The following STARD13 variants were observed in gnomAD, a reference collection of about 807,000 sequenced individuals.
STARD13 encodes stAR-related lipid transfer protein 13.
STARD13 carries 62 observed loss-of-function variants against 106.4 expected under a neutral mutation model. The ratio of observed to expected loss-of-function variants is 0.58; its 90% CI spans 0.48 to 0.72. STARD13 has a LOEUF of 0.72. Among genes scored for constraint, STARD13 ranks in the 30% least tolerant of loss-of-function variants. The probability of loss-of-function intolerance (pLI) is 0.00; values close to 1 mark genes in which losing one functional copy is unlikely to be tolerated. For missense variants in STARD13, 1,387 were observed against 1,424.0 expected (o/e 0.97, Z 0.42); for synonymous variants, 565 against 553.0 (o/e 1.02, Z -0.31).
chr13:33,297,830 A>G (rs1892556283), intron 1 of STARD13, among the ~76,000 whole-genome samples: 1 of 152,214 alleles, frequency 6.6e-6, no homozygotes, highest in Non-Finnish European at 1.5e-5. Context: ...TGTGTATTGC[A>G]GATATAAGAC....
the STARD13 span, among the ~76,000 whole-genome samples, chr13:33,462,636 T>C: frequency 2.0e-5 from 3 of 152,240 alleles, no homozygotes; most frequent in East Asian, 5.8e-4. Flanking sequence ...CTGGTAAAAG[T>C]CCAAGAGTCC....
chr13:33,145,889 A>G (rs1313124631), intron 3 of STARD13, among the ~76,000 whole-genome samples: 1 of 152,208 alleles, frequency 6.6e-6, no homozygotes, highest in African/African-American at 2.4e-5. Context: ...GGTCACAAAA[A>G]TGTTCTGTGT....
chr13:33,105,585 G>A lies in STARD13; in HGVS notation c.*8C>T, dbSNP rs750674163. 48 of 1,591,296 alleles carry A rather than the reference G, an allele frequency of 3.0e-5. No homozygotes were observed. The East Asian group carries it at 1.1e-3, about 36-fold the overall frequency. The stretch of plus-strand genomic sequence containing the variant: ...CTTCCCTGAGTTTGATGTCACACTG[G>A]GCAAAACTCAGATTTTAGTTTCTGG... On this transcript the variant is annotated 3_prime_UTR_variant, in exon 14 of 14. Transcript: ENST00000336934.
the STARD13 span, among the ~76,000 whole-genome samples, chr13:33,405,069 A>G: frequency 2.6e-5 from 4 of 151,968 alleles, no homozygotes; most frequent in African/African-American, 9.7e-5. Context: ...GAGCCACCAC[A>G]CCCAGCCTTC....
At chr13:33,625,764 C>A in the STARD13 span, among the ~76,000 whole-genome samples, 5 of 151,578 alleles carry the variant, frequency 3.3e-5, no homozygotes, top group African/African-American at 9.7e-5. Flanking sequence ...TGCGGTGGCA[C>A]CATCACAGCT....
chr13:33,627,631 C>T, the STARD13 span, among the ~76,000 whole-genome samples: 1 of 145,922 alleles, frequency 6.9e-6, no homozygotes, highest in Non-Finnish European at 1.5e-5. Context: ...AGCAAGACTC[C>T]ATCTCAAAAA....
the STARD13 span, among the ~76,000 whole-genome samples, chr13:33,603,555 T>C: frequency 6.6e-6 from 1 of 152,170 alleles, no homozygotes; most frequent in African/African-American, 2.4e-5. Flanking sequence ...GGTAGAAGCA[T>C]GAAAATTCTA....
At position 33,205,805 on chromosome 13, in the gene STARD13, G is replaced by A. The variant is rs924195155; in HGVS notation, c.170-38183C>T. 7.2e-6 allele frequency: 7 copies of A among 971,168 alleles called. No individual in the cohort carries two copies. In the African/African-American group the frequency reaches 1.2e-4, roughly 17 times the overall value. 60.2% of individuals were successfully genotyped at this position (971,168 alleles called of 1,614,324 possible). ...CACCACCACGACCTCTTTTTCTATG[G>A]AACACAAACTTACTTTGTTTAAAAT... is the stretch of plus-strand genomic sequence containing the variant. On this transcript the variant is annotated intron_variant, in intron 1 of 13. Coordinates refer to ENST00000336934, the MANE Select transcript of STARD13 (RefSeq NM_178006.4).
the STARD13 span, among the ~76,000 whole-genome samples, chr13:33,410,132 T>G: frequency 6.6e-6 from 1 of 152,240 alleles, no homozygotes; most frequent in South Asian, 2.1e-4. Context: ...AAGTGCTTAA[T>G]GCAAGCTTAA....
chr13:33,556,243 T>G, the STARD13 span, among the ~76,000 whole-genome samples: 1 of 152,124 alleles, frequency 6.6e-6, no homozygotes, highest in Non-Finnish European at 1.5e-5. Flanking sequence ...GCTTATTCAT[T>G]TCCTTCCCGC....
chr13:33,403,549 A>G, the STARD13 span, among the ~76,000 whole-genome samples: 24 of 152,232 alleles, frequency 1.6e-4, no homozygotes, highest in Admixed American at 7.8e-4. Context: ...TCACTTGTAG[A>G]TAGCATGGTA....
At chr13:33,591,042 G>A in the STARD13 span, among the ~76,000 whole-genome samples, 1 of 152,222 alleles carries the variant, frequency 6.6e-6, no homozygotes, top group Admixed American at 6.5e-5. Flanking sequence ...AATAACATTT[G>A]GAATTTCGCA....
intron 1 of STARD13, among the ~76,000 whole-genome samples, chr13:33,221,820 T>C (rs1888372588): frequency 6.6e-6 from 1 of 152,198 alleles, no homozygotes; most frequent in South Asian, 2.1e-4. Context: ...AAAAATGTGG[T>C]ATATACATAC....
intron 1 of STARD13, among the ~76,000 whole-genome samples, chr13:33,330,025 G>A (rs1456405310): frequency 6.6e-6 from 1 of 152,082 alleles, no homozygotes; most frequent in South Asian, 2.1e-4. Flanking sequence ...TTCTTTATCT[G>A]TTCACTGCAG....
At chr13:33,657,356 T>A in the STARD13 span, 2 of 147,402 alleles carry the variant, frequency 1.4e-5, no homozygotes, top group African/African-American at 5.4e-5. Context: ...TTGTTGAGCA[T>A]CTAGTAAGTG....
intron 1 of STARD13, among the ~76,000 whole-genome samples, chr13:33,267,030 T>C (rs576462562): frequency 1.3e-5 from 2 of 152,358 alleles, no homozygotes; most frequent in African/African-American, 4.8e-5. Context: ...GCTATGTTAC[T>C]AAAGTTGAAT....
chr13:33,264,917 T>A (rs1890823899), intron 1 of STARD13, among the ~76,000 whole-genome samples: 1 of 152,138 alleles, frequency 6.6e-6, no homozygotes, highest in African/African-American at 2.4e-5. Context: ...GAAATAAAAG[T>A]GGCCTGGATT....
chr13:33,364,680 GA>G, the STARD13 span, among the ~76,000 whole-genome samples: 1 of 152,208 alleles, frequency 6.6e-6, no homozygotes, highest in East Asian at 1.9e-4. Context: ...ATGAGGTCAG[GA>G]GATCGGGACC....
intron 1 of STARD13, among the ~76,000 whole-genome samples, chr13:33,247,365 A>G (rs1183359452): frequency 6.6e-6 from 1 of 152,100 alleles, no homozygotes; most frequent in Non-Finnish European, 1.5e-5. Context: ...TCAATTCAGC[A>G]GGCGATGGGG....
Sources: gnomAD v4.1 joint callset for allele counts (sites outside exome capture counted in the v4.1 genomes callset) on GRCh38, gnomAD v4.1.1 for gene constraint, MANE v1.5 for transcripts, NCBI Gene and HGNC (gene_info 2026-07-23, HGNC 2026-07-21) for gene names.